The following DLC1 variants were observed in gnomAD, a reference collection of about 807,000 sequenced individuals.
DLC1 encodes rho GTPase-activating protein 7.
A neutral mutation model predicts 140.3 loss-of-function variants in DLC1; 54 were observed. That is an observed-to-expected ratio of 0.38 (90% confidence interval 0.31 to 0.48). DLC1 has a LOEUF of 0.48. Ranked by LOEUF, DLC1 falls within the 20% of genes least tolerant of loss-of-function variation. The pLI is 0.96. For missense variants in DLC1, 2,536 were observed against 1,907.0 expected (o/e 1.33, Z -6.14); for synonymous variants, 986 against 728.1 (o/e 1.35, Z -5.70).
At chr8:13,249,282 C>T (rs543399924) in intron 5 of DLC1, among the ~76,000 whole-genome samples, 66 of 152,146 alleles carry the variant, frequency 4.3e-4, no homozygotes, top group African/African-American at 1.2e-3. Context: ...TTCACCATGT[C>T]GGCCAGGCTG....
At chr8:13,126,069 T>C (rs1821534685) in intron 5 of DLC1, among the ~76,000 whole-genome samples, 2 of 151,972 alleles carry the variant, frequency 1.3e-5, no homozygotes. Context: ...GCAGCTCACA[T>C]CAAAATATGT....
intron 1 of DLC1, among the ~76,000 whole-genome samples, chr8:13,560,963 A>G (rs1332498651): frequency 6.6e-6 from 1 of 152,070 alleles, no homozygotes; most frequent in Non-Finnish European, 1.5e-5. Context: ...GGTCACTGAG[A>G]TTATATATAT....
At chr8:13,094,700 G>A in intron 12 of DLC1, 59 bp downstream of exon 12, 1 of 1,595,128 alleles carries the variant, frequency 6.3e-7, no homozygotes, top group Non-Finnish European at 8.6e-7. Flanking sequence ...GAAGCTACAA[G>A]CTTCAGTTGG....
rs183777525 is a variant in DLC1, at chr8:13,121,229, C to T, written c.1349-5572G>A. On this transcript the variant is annotated intron_variant, in intron 5 of 17. Transcript: ENST00000276297. ...GTTGATGCTTTTATTGCTAGAGAAC[C>T]GTGTCAGCTGTGTGCAGGCAGGTGG... is the stretch of plus-strand genomic sequence containing the variant. Among the ~76,000 whole-genome samples the T allele has an allele frequency of 1.6e-3, 248 of 152,260 alleles. 1 individual carries two copies. Among genetic ancestry groups the T allele is most frequent in the East Asian group, 8.1e-3 (42 of 5,178 alleles).
chr8:13,436,900 C>A (rs989100031), intron 2 of DLC1, among the ~76,000 whole-genome samples: 8 of 152,078 alleles, frequency 5.3e-5, no homozygotes, highest in African/African-American at 1.9e-4. Context: ...TGGAATTTTT[C>A]TTCTCTCTGG....
chr8:13,172,996 A>G (rs886338997), intron 5 of DLC1, among the ~76,000 whole-genome samples: 3 of 152,136 alleles, frequency 2.0e-5, no homozygotes, highest in Non-Finnish European at 2.9e-5. Flanking sequence ...TCTTTTCTCT[A>G]TGTGTAACGA....
At chr8:13,203,659 T>A (rs1372133689) in intron 5 of DLC1, among the ~76,000 whole-genome samples, 2 of 152,204 alleles carry the variant, frequency 1.3e-5, no homozygotes, top group East Asian at 3.8e-4. Context: ...CCCCTCCCTC[T>A]GTGGTGTACT....
At chr8:13,253,251 A>G (rs1245807172) in intron 5 of DLC1, among the ~76,000 whole-genome samples, 2 of 152,260 alleles carry the variant, frequency 1.3e-5, no homozygotes, top group Non-Finnish European at 2.9e-5. Context: ...ACATAGATCT[A>G]AAATGAGATT....
rs530034671 is a variant in DLC1 at position 13,316,196 on chromosome 8, GATCT to G, written c.1315-10898_1315-10895del. On this transcript the variant is annotated intron_variant, in intron 4 of 17. Transcript: ENST00000276297. ...AACGATGCCTCCCTACCAGCCACTT[GATCT>G]ACTAGCTAGTGTGGTCTGGTGCCTG... Among the ~76,000 whole-genome samples the G allele has an allele frequency of 7.5e-3, 1,140 of 152,280 alleles. 9 individuals carry two copies. The highest frequency in any genetic ancestry group is 0.012 in the Non-Finnish European group (846 of 68,024).
intron 1 of DLC1, among the ~76,000 whole-genome samples, chr8:13,560,460 C>G (rs1034835441): frequency 6.6e-6 from 1 of 152,112 alleles, no homozygotes; most frequent in East Asian, 1.9e-4. Context: ...AAAGATACTT[C>G]TTAATGAACA....
chr8:13,123,334 C>A (rs999992079), intron 5 of DLC1, among the ~76,000 whole-genome samples: 67 of 151,838 alleles, frequency 4.4e-4, no homozygotes, highest in African/African-American at 1.5e-3. Flanking sequence ...CTGCACCCCC[C>A]GCCCCCGCAC....
chr8:13,307,544 C>T (rs1452818790), intron 4 of DLC1, among the ~76,000 whole-genome samples: 2 of 152,116 alleles, frequency 1.3e-5, no homozygotes, highest in Admixed American at 1.3e-4. Flanking sequence ...CTAAATTTAC[C>T]CCTGATTGGG....
At chr8:13,463,147 T>C (rs917317316) in intron 2 of DLC1, among the ~76,000 whole-genome samples, 2 of 151,990 alleles carry the variant, frequency 1.3e-5, no homozygotes, top group African/African-American at 4.8e-5. Context: ...TTTTTTTATC[T>C]GGTTGCCGGC....
At chr8:13,562,666 T>C (rs914922961) in intron 1 of DLC1, among the ~76,000 whole-genome samples, 3 of 152,166 alleles carry the variant, frequency 2.0e-5, no homozygotes, top group African/African-American at 7.2e-5. Flanking sequence ...TGGAAGTAAG[T>C]AGAAAACTAC....
chr8:13,136,321 C>T (rs1213053086), intron 5 of DLC1, among the ~76,000 whole-genome samples: 2 of 152,120 alleles, frequency 1.3e-5, no homozygotes, highest in Admixed American at 1.3e-4. Context: ...TCAACTCCTT[C>T]TCCCCTTCCT....
intron 1 of DLC1, among the ~76,000 whole-genome samples, chr8:13,548,928 T>A (rs1178201276): frequency 6.6e-6 from 1 of 152,086 alleles, no homozygotes; most frequent in East Asian, 1.9e-4. Context: ...GGAAGATCAA[T>A]TATAATCACT....
intron 5 of DLC1, among the ~76,000 whole-genome samples, chr8:13,282,681 G>C (rs1490537582): frequency 4.6e-5 from 7 of 151,370 alleles, no homozygotes; most frequent in Non-Finnish European, 8.8e-5. Flanking sequence ...TAAAATTACA[G>C]TGTGTTAGTA....
chr8:13,489,428 C>CACACAA (rs1801132702), intron 2 of DLC1, among the ~76,000 whole-genome samples: 2 of 148,516 alleles, frequency 1.3e-5, no homozygotes, highest in African/African-American at 2.5e-5. Flanking sequence ...CACACACACA[C>CACACAA]ACACACACAC....
At chr8:13,480,944 G>C (rs930899230) in intron 2 of DLC1, among the ~76,000 whole-genome samples, 6 of 152,148 alleles carry the variant, frequency 3.9e-5, no homozygotes, top group East Asian at 1.9e-4. Context: ...AAGATAATCT[G>C]AGCTGCAGTG....
Sources: gnomAD v4.1 joint callset for allele counts (sites outside exome capture counted in the v4.1 genomes callset) on GRCh38, gnomAD v4.1.1 for gene constraint, MANE v1.5 for transcripts, NCBI Gene and HGNC (gene_info 2026-07-23, HGNC 2026-07-21) for gene names.